EYS: variants seen among roughly 807,000 people sequenced by gnomAD.
EYS encodes protein eyes shut homolog.
In EYS, 250 loss-of-function variants were observed where a neutral mutation model predicts 282.1. The ratio of observed to expected loss-of-function variants is 0.89; its 90% CI spans 0.80 to 0.98. EYS has a LOEUF of 0.98. EYS is among the 50% of genes least tolerant of loss of function. The pLI is 0.00. For missense variants in EYS, 4,016 were observed against 3,709.0 expected (o/e 1.08, Z -2.15); for synonymous variants, 1,355 against 1,282.9 (o/e 1.06, Z -1.20).
At chr6:64,301,113 T>G (rs968065815) in intron 30 of EYS, among the ~76,000 whole-genome samples, 1 of 152,214 alleles carries the variant, frequency 6.6e-6, no homozygotes, top group Non-Finnish European at 1.5e-5. Flanking sequence ...AGATGTCTCC[T>G]CCTTGGAAAT....
intron 15 of EYS, among the ~76,000 whole-genome samples, chr6:64,932,462 G>C (rs1320048525): frequency 4.6e-5 from 7 of 152,056 alleles, no homozygotes; most frequent in African/African-American, 9.7e-5. Flanking sequence ...AATAATTCCA[G>C]TTGAGGGCAA....
chr6:63,817,265 C>G (rs908688096), intron 36 of EYS, among the ~76,000 whole-genome samples: 14 of 152,162 alleles, frequency 9.2e-5, no homozygotes, highest in African/African-American at 3.4e-4. Context: ...GAAGGGAGAG[C>G]AAACAGGGGA....
intron 19 of EYS, among the ~76,000 whole-genome samples, chr6:64,882,154 G>A (rs1342021176): frequency 2.0e-5 from 3 of 151,734 alleles, no homozygotes; most frequent in Non-Finnish European, 4.4e-5. Flanking sequence ...CCAGTACACA[G>A]TACCCAAATA....
chr6:64,552,683 A>G (rs536031257), intron 26 of EYS, among the ~76,000 whole-genome samples: 4 of 152,172 alleles, frequency 2.6e-5, no homozygotes, highest in African/African-American at 9.6e-5. Flanking sequence ...GGGAGGCCGA[A>G]GCTGACAGAT....
chr6:63,890,720 G>A (rs1177016517), intron 35 of EYS, among the ~76,000 whole-genome samples: 3 of 152,246 alleles, frequency 2.0e-5, no homozygotes, highest in Middle Eastern at 3.4e-3. Flanking sequence ...TCAAAAGCTA[G>A]CAGAAGACAA....
chr6:65,374,889 A>G (rs1436039490), intron 8 of EYS, among the ~76,000 whole-genome samples: 2 of 152,138 alleles, frequency 1.3e-5, no homozygotes, highest in African/African-American at 4.8e-5. Flanking sequence ...CAGTCAGGGG[A>G]TTATAAATAA....
chr6:65,007,086 TC>T (rs1446245135), intron 13 of EYS, among the ~76,000 whole-genome samples: 1 of 152,138 alleles, frequency 6.6e-6, no homozygotes, highest in Non-Finnish European at 1.5e-5. Flanking sequence ...GCATCCTGGA[TC>T]CCTTTTTTTG....
At chr6:64,229,441 G>T (rs1766350803) in intron 31 of EYS, among the ~76,000 whole-genome samples, 1 of 152,042 alleles carries the variant, frequency 6.6e-6, no homozygotes, top group African/African-American at 2.4e-5. Flanking sequence ...AATATAAATG[G>T]CCTTAAATTA....
chr6:64,299,166 A>G (rs1472639230), intron 30 of EYS, among the ~76,000 whole-genome samples: 1 of 152,230 alleles, frequency 6.6e-6, no homozygotes, highest in Non-Finnish European at 1.5e-5. Flanking sequence ...AATGTAAGGG[A>G]GTTTATCTAC....
intron 8 of EYS, among the ~76,000 whole-genome samples, chr6:65,383,623 C>G (rs1170433645): frequency 6.6e-6 from 1 of 150,610 alleles, no homozygotes; most frequent in Non-Finnish European, 1.5e-5. Context: ...ATTGGAAGTT[C>G]CCTTTGTACT....
chr6:64,651,175 T>A (rs1768544049), intron 22 of EYS, among the ~76,000 whole-genome samples: 2 of 152,160 alleles, frequency 1.3e-5, no homozygotes, highest in Admixed American at 1.3e-4. Context: ...TATAGATAGA[T>A]AAATGCTTAC....
intron 22 of EYS, among the ~76,000 whole-genome samples, chr6:64,807,980 C>A (rs1239572854): frequency 2.3e-5 from 3 of 128,640 alleles, no homozygotes; most frequent in Non-Finnish European, 5.3e-5. Flanking sequence ...CCTTCCTTCT[C>A]CCTCCGTCCT....
At chr6:64,050,914 A>T (rs977006137) in intron 33 of EYS, among the ~76,000 whole-genome samples, 1 of 152,186 alleles carries the variant, frequency 6.6e-6, no homozygotes, top group Admixed American at 6.5e-5. Context: ...AATCTGAATG[A>T]TCTGAATATT....
intron 5 of EYS, among the ~76,000 whole-genome samples, chr6:65,429,192 T>C (rs568319532): frequency 6.5e-4 from 97 of 149,286 alleles, no homozygotes; most frequent in Non-Finnish European, 1.3e-3. Flanking sequence ...AAAAAAAAAA[T>C]GTTCTGGCAC....
intron 7 of EYS, among the ~76,000 whole-genome samples, chr6:65,400,180 A>C (rs1358861221): frequency 6.6e-6 from 1 of 152,060 alleles, no homozygotes; most frequent in East Asian, 1.9e-4. Context: ...AGTGAGAGGA[A>C]TTCTCTAGGA....
chr6:63,922,328 C>T (rs1012083633), intron 35 of EYS, among the ~76,000 whole-genome samples: 11 of 152,096 alleles, frequency 7.2e-5, no homozygotes, highest in South Asian at 2.1e-4. Context: ...TTTGGGAGGC[C>T]GAAGCAGGCA....
chr6:63,817,833 TG>T (rs1190369876), intron 36 of EYS, among the ~76,000 whole-genome samples: 1 of 152,208 alleles, frequency 6.6e-6, no homozygotes, highest in African/African-American at 2.4e-5. Context: ...TCTGGTGTGG[TG>T]ATGCAAGTCA....
chr6:64,330,000 T>C (rs1437165219), intron 29 of EYS, among the ~76,000 whole-genome samples: 2 of 152,092 alleles, frequency 1.3e-5, no homozygotes, highest in Non-Finnish European at 2.9e-5. Flanking sequence ...CCACCAAGGA[T>C]TGAAAAACTC....
At chr6:64,224,788 G>A (rs1489618925) in intron 31 of EYS, among the ~76,000 whole-genome samples, 1 of 151,552 alleles carries the variant, frequency 6.6e-6, no homozygotes. Context: ...CAGAAATCCA[G>A]GGAGAAAAAA....
Sources: gnomAD v4.1 joint callset for allele counts (sites outside exome capture counted in the v4.1 genomes callset) on GRCh38, gnomAD v4.1.1 for gene constraint, MANE v1.5 for transcripts, NCBI Gene and HGNC (gene_info 2026-07-23, HGNC 2026-07-21) for gene names.